The following RDH8 variants were observed in gnomAD, a reference collection of about 807,000 sequenced individuals.
RDH8 encodes the protein photoreceptor outer segment all-trans retinol dehydrogenase.
Under a neutral mutation model 22.3 loss-of-function variants are expected in RDH8, and 14 were observed. That is an observed-to-expected ratio of 0.63 (90% CI 0.42 to 0.98). RDH8 has a LOEUF of 0.98. RDH8 is among the 50% of genes least tolerant of loss of function. RDH8 has a pLI of 0.00. For synonymous variants in RDH8, 175 were observed against 171.7 expected (o/e 1.02, Z -0.15); for missense variants, 389 against 409.8 (o/e 0.95, Z 0.44).
At chr19:10,016,395 T>C (rs1568441234) in intron 1 of RDH8, among the ~76,000 whole-genome samples, 1 of 151,394 alleles carries the variant, frequency 6.6e-6, no homozygotes, top group Non-Finnish European at 1.5e-5. Flanking sequence ...GACCTCGTGA[T>C]CTGCCCACCT....
chr19:10,021,539 T>G lies in RDH8; in HGVS notation c.726T>G (p.Ile242Met). The stretch of plus-strand genomic sequence containing the variant: ...TCAGGGCCTCCATTCTGCAGGCCAT[T>G]GTCAACGTCATCAGCTCGACTCGAC... ...GQNPQDVVQA[I>M]VNVISSTRPP... The change falls in exon 6 of 6, where the codon ATT (isoleucine) becomes ATG (methionine). Residue 242 changes from isoleucine (I) to methionine (M), a missense_variant. Ile to Met is a conservative substitution (Grantham distance 10, BLOSUM62 1). Coordinates refer to ENST00000591589, the MANE Select transcript of RDH8 (RefSeq NM_015725.4). The G allele has an allele frequency of 6.2e-7, 1 of 1,614,072 alleles. No homozygotes were observed. The highest frequency in any genetic ancestry group is 8.5e-7 in the Non-Finnish European group (1 of 1,180,006).
intron 1 of RDH8, among the ~76,000 whole-genome samples, chr19:10,014,979 T>C (rs1159442391): frequency 2.0e-5 from 3 of 152,160 alleles, no homozygotes; most frequent in Non-Finnish European, 4.4e-5. Flanking sequence ...ATATCACATG[T>C]AGATGCAAGT....
At position 10,017,169 on chromosome 19, in the gene RDH8, G is replaced by A. The variant is rs202091804; in HGVS notation, c.216G>A (p.Ser72=). 7.1e-5 allele frequency: 114 copies of A among 1,609,640 alleles called. 1 individual carries two copies. In the Admixed American group the frequency reaches 1.8e-3, roughly 25 times the overall value. Residue 72 remains serine, a synonymous_variant, in exon 2 of 6, where the codon TCG becomes TCA. Transcript: ENST00000591589. ...VAQLDVCSDE[S]VAQCLSCIQG... ...AGCTGGACGTGTGCAGTGATGAGTCGGTGGCCCAGTGTCTCAGCTGTATCC... is the reference window on the plus strand; with the variant it reads ...AGCTGGACGTGTGCAGTGATGAGTCAGTGGCCCAGTGTCTCAGCTGTATCC...
chr19:10,018,133 C>T (rs1412259005), intron 2 of RDH8, among the ~76,000 whole-genome samples: 1 of 152,048 alleles, frequency 6.6e-6, no homozygotes, highest in Non-Finnish European at 1.5e-5. Context: ...TTAGTAGAGA[C>T]GGGGTTTCTC....
chr19:10,018,645 C>T (rs556213556), intron 2 of RDH8, 86 bp from the exon 3 acceptor site: 40 of 1,093,354 alleles, frequency 3.7e-5, no homozygotes, highest in South Asian at 1.2e-4. Context: ...ACTTGGAGTA[C>T]GGGGTGAGGT....
chr19:10,020,877 A>G (rs2087653339), intron 4 of RDH8, 75 bp downstream of exon 4: 1 of 1,059,350 alleles, frequency 9.4e-7, no homozygotes, highest in Non-Finnish European at 1.4e-6. Flanking sequence ...GAGAGGAGAG[A>G]TGAAGACAAT....
rs536635800 is a variant in RDH8, at chr19:10,014,410, G to T, written c.103+810G>T. On this transcript the variant is annotated intron_variant, in intron 1 of 5. Transcript: ENST00000591589. ...GGCAGATGGGTGTATGAAACTGCTG[G>T]AGGCTAATGTTTATGGAGCTTTTAC... Among the ~76,000 whole-genome samples the T allele has an allele frequency of 2.6e-5, 4 of 152,302 alleles. No individual in the cohort carries two copies. In the South Asian group the frequency reaches 8.3e-4, roughly 32 times the overall value.
intron 3 of RDH8, among the ~76,000 whole-genome samples, chr19:10,020,316 A>C (rs953746682): frequency 7.6e-6 from 1 of 131,608 alleles, no homozygotes; most frequent in African/African-American, 2.9e-5. Context: ...GAAAAAGAAA[A>C]AGAGAGAGAG....
At position 10,016,882 on chromosome 19, in the gene RDH8, C is replaced by T. The variant is rs150110758; in HGVS notation, c.104-175C>T. Among the ~76,000 whole-genome samples the T allele has an allele frequency of 1.9e-4, 29 of 152,260 alleles. No homozygotes were observed. The East Asian group carries it at 4.8e-3, about 25-fold the overall frequency. ...ATGGTTGGAAGGATGGATATAGGTA[C>T]GTGGAGATGCGTGTACACAAGTGTG... On this transcript the variant is annotated intron_variant, in intron 1 of 5. Coordinates refer to ENST00000591589, the MANE Select transcript of RDH8 (RefSeq NM_015725.4).
chr19:10,016,291 C>A (rs913903612), intron 1 of RDH8, among the ~76,000 whole-genome samples: 1 of 147,676 alleles, frequency 6.8e-6, no homozygotes, highest in African/African-American at 2.5e-5. Context: ...GGACTACAGG[C>A]GCCTGCCACC....
At position 10,017,080 on chromosome 19, in the gene RDH8, G is replaced by T; in HGVS notation, c.127G>T (p.Gly43Trp). ...YQVVATMRDL[G>W]KKETLEAAAG... is the part of the protein sequence containing the mutation. ...AGTCGTGGCCACCATGAGGGACCTGGGGAAGAAGGAGACACTGGAGGCAGC... is the reference window on the plus strand; with the variant it reads ...AGTCGTGGCCACCATGAGGGACCTGTGGAAGAAGGAGACACTGGAGGCAGC... Residue 43 changes from glycine (G) to tryptophan (W), a missense_variant, in exon 2 of 6, where the codon GGG (glycine) becomes TGG (tryptophan). By Grantham distance (184) the Gly-to-Trp change is radical. Coordinates refer to ENST00000591589, the MANE Select transcript of RDH8 (RefSeq NM_015725.4). 2.5e-6 allele frequency: 4 copies of T among 1,591,878 alleles called. No individual in the cohort carries two copies. The highest frequency in any genetic ancestry group is 2.6e-6 in the Non-Finnish European group (3 of 1,166,162).
At position 10,018,848 on chromosome 19, in the gene RDH8, C is replaced by T. The variant is rs1383819433; in HGVS notation, c.380C>T (p.Pro127Leu). 3.7e-6 allele frequency: 6 copies of T among 1,613,940 alleles called. No homozygotes were observed. The South Asian group carries it at 6.6e-5, about 18-fold the overall frequency. ...GAVRLVKAVL[P>L]GMKRRRQGHI... The stretch of plus-strand genomic sequence containing the variant: ...GTCCGTCTCGTCAAAGCTGTGCTTC[C>T]AGGCATGAAGAGGAGGCGGCAGGGC... The change falls in exon 3 of 6, where the codon CCA (proline) becomes CTA (leucine). Residue 127 changes from proline to leucine, a missense_variant. Physicochemically the swap from Pro to Leu is moderately conservative, Grantham distance 98. Transcript: ENST00000591589.
At chr19:10,018,423 A>C (rs1238581922) in intron 2 of RDH8, among the ~76,000 whole-genome samples, 2 of 152,164 alleles carry the variant, frequency 1.3e-5, no homozygotes, top group African/African-American at 4.8e-5. Context: ...AATAAGTCAT[A>C]AGGTCCCTAA....
At chr19:10,013,826 G>A (rs2087588290) in intron 1 of RDH8, among the ~76,000 whole-genome samples, 1 of 152,132 alleles carries the variant, frequency 6.6e-6, no homozygotes, top group Admixed American at 6.5e-5. Flanking sequence ...CAGCCCTCAG[G>A]ACGGGTGTCA....
chr19:10,017,341 T>G (rs936839942), intron 2 of RDH8, 126 bp downstream of exon 2: 9 of 1,061,406 alleles, frequency 8.5e-6, no homozygotes, highest in Middle Eastern at 2.2e-4. Flanking sequence ...GCAGAAGGGG[T>G]AGACCAGTTG....
chr19:10,017,091 G>T lies in RDH8; in HGVS notation c.138G>T (p.Glu46Asp). Residue 46 changes from glutamate (E) to aspartate (D), a missense_variant, in exon 2 of 6, where the codon GAG becomes GAT. Glu to Asp is a conservative substitution (Grantham distance 45). Coordinates refer to ENST00000591589, the MANE Select transcript of RDH8 (RefSeq NM_015725.4). ...CCATGAGGGACCTGGGGAAGAAGGA[G>T]ACACTGGAGGCAGCTGCTGGGGAGG... ...VATMRDLGKKETLEAAAGEAL... is the reference protein window; with the variant it reads ...VATMRDLGKKDTLEAAAGEAL... 1 of 1,598,212 alleles carries T rather than the reference G, an allele frequency of 6.3e-7. No individual in the cohort carries two copies. The highest frequency in any genetic ancestry group is 8.5e-7 in the Non-Finnish European group (1 of 1,169,842).
Position 10,016,591 on chromosome 19 carries a change from G to C in RDH8, c.104-466G>C, listed in dbSNP as rs191598333. Among the ~76,000 whole-genome samples, 741 of 152,146 alleles carry C rather than the reference G, an allele frequency of 4.9e-3. 6 individuals are homozygous for C. Among genetic ancestry groups the C allele is most frequent in the African/African-American group, 0.017 (688 of 41,506 alleles). ...TCCTCCCACCACAGCCTCCCAAGTA[G>C]CCAGGACTACAGGTGGGGGCCACCC... On this transcript the variant is annotated intron_variant, in intron 1 of 5. Transcript: ENST00000591589.
At chr19:10,018,646 G>C in intron 2 of RDH8, 85 bp from the exon 3 acceptor site, 1 of 1,104,548 alleles carries the variant, frequency 9.1e-7, no homozygotes. Context: ...CTTGGAGTAC[G>C]GGGTGAGGTG....
rs2233791 is a variant in RDH8 at position 10,016,978 on chromosome 19, C to A, written c.104-79C>A. The A allele has an allele frequency of 5.2e-3, 7,043 of 1,357,888 alleles. 25 individuals are homozygous for A. Among genetic ancestry groups the A allele is most frequent in the Non-Finnish European group, 5.9e-3 (6,068 of 1,031,846 alleles). The allele number at this position is 1,357,888 out of a possible 1,614,324, so 84.1% of individuals were successfully genotyped here. ...TTCCATCTCTCTGTGACTTGTAACG[C>A]AAGATCACAGACACGTGGCGCCCAC... is the stretch of plus-strand genomic sequence containing the variant. On this transcript the variant is annotated intron_variant, in intron 1 of 5. Transcript: ENST00000591589.
Sources: allele counts gnomAD v4.1 joint callset (sites outside exome capture counted in the v4.1 genomes callset), GRCh38; gene constraint gnomAD v4.1.1; transcripts MANE v1.5; gene names NCBI Gene and HGNC (gene_info 2026-07-23, HGNC 2026-07-21).